The following KIRREL3 variants were observed in gnomAD, a reference collection of about 807,000 sequenced individuals.
KIRREL3 encodes kin of IRRE-like protein 3.
A neutral mutation model predicts 89.7 loss-of-function variants in KIRREL3; 36 were observed. The observed-to-expected ratio is 0.40, with a 90% CI of 0.31 to 0.53. The LOEUF (loss-of-function observed/expected upper bound fraction) is 0.53. Ranked by LOEUF, KIRREL3 falls within the 20% of genes least tolerant of loss-of-function variation. The pLI is 0.49. For missense variants in KIRREL3, 864 were observed against 1,056.6 expected, an observed-to-expected ratio of 0.82 and a Z score of 2.53; for synonymous variants, 445 against 441.4, an observed-to-expected ratio of 1.01 and a Z score of -0.10.
rs117830381 is a variant in KIRREL3, at chr11:126,792,439, C to A, written c.55+208016G>T. On this transcript the variant is annotated intron_variant, in intron 1 of 16. Transcript: ENST00000525144. Reference sequence around the variant, plus strand: ...TCACACAACTTGCAAGCAATAGAGCCTAGGCTGAAACCAAGCAGTTTAGTG... The same window carrying A: ...TCACACAACTTGCAAGCAATAGAGCATAGGCTGAAACCAAGCAGTTTAGTG... 9.7e-4 allele frequency among the ~76,000 whole-genome samples: 148 copies of A among 152,308 alleles called. 1 individual carries two copies. In the East Asian group the frequency reaches 0.025, roughly 26 times the overall value.
At chr11:126,511,867 C>T (rs745712022) in intron 4 of KIRREL3, among the ~76,000 whole-genome samples, 9 of 152,200 alleles carry the variant, frequency 5.9e-5, no homozygotes, top group African/African-American at 1.7e-4. Context: ...GGGCTGAGGT[C>T]GGAACGGAGA....
intron 1 of KIRREL3, among the ~76,000 whole-genome samples, chr11:126,828,204 T>G (rs1305414043): frequency 6.6e-6 from 1 of 152,236 alleles, no homozygotes; most frequent in South Asian, 2.1e-4. Context: ...GTTTACTGAG[T>G]GCTTTAACAA....
intron 1 of KIRREL3, among the ~76,000 whole-genome samples, chr11:126,650,165 C>G (rs901675809): frequency 6.6e-6 from 1 of 152,222 alleles, no homozygotes; most frequent in Non-Finnish European, 1.5e-5. Context: ...CTGGGCCCGT[C>G]CCATGAAACC....
chr11:126,515,283 AAAAC>A lies in KIRREL3; in HGVS notation c.433+6028_433+6031del, dbSNP rs144073229. Among the ~76,000 whole-genome samples, 6,621 of 152,138 alleles carry A rather than the reference AAAAC, an allele frequency of 0.044. 317 individuals are homozygous for A. Among genetic ancestry groups the A allele is most frequent in the African/African-American group, 0.12 (5,085 of 41,462 alleles). ...CAAAAACAAAACAGAACAAAACAAA[AAAAC>A]AAACAAACAAAAATTAGCTGGGTGA... is the stretch of plus-strand genomic sequence containing the variant. On this transcript the variant is annotated intron_variant, in intron 4 of 16. Transcript: ENST00000525144. This position sits in a 1 kb window ranked among gnomAD's most constrained non-coding sequence, Gnocchi z 4.2.
chr11:126,936,612 C>T (rs532573443), intron 1 of KIRREL3: 50 of 149,084 alleles, frequency 3.4e-4, no homozygotes, highest in African/African-American at 1.1e-3. Context: ...TGCTACTACA[C>T]GGATGCACCT....
In KIRREL3 at chr11:126,665,063, G is replaced by C. The variant is rs946249706; in HGVS notation, c.56-102151C>G. Among the ~76,000 whole-genome samples, 3 of 152,188 alleles carry C rather than the reference G, an allele frequency of 2.0e-5. No homozygotes were observed. The South Asian group carries it at 6.2e-4, about 32-fold the overall frequency. The stretch of plus-strand genomic sequence containing the variant: ...TTGTATCCTCTATGCTAAGTGCACA[G>C]CAGATTACATGGTAGTTCCTTATAA... On this transcript the variant is annotated intron_variant, in intron 1 of 16. Transcript: ENST00000525144.
rs555145837 is a variant in KIRREL3, at chr11:126,776,626, T to C, written c.56-213714A>G. On this transcript the variant is annotated intron_variant, in intron 1 of 16. Transcript: ENST00000525144. The surrounding 1 kb of genome is among the most constrained non-coding windows in gnomAD (Gnocchi z 4.7). Reference sequence around the variant, plus strand: ...GACTCAAAAGCTTGCAGAAACACTTTAGTTGAACAAGTCTCTGGGACAAAC... The same window carrying C: ...GACTCAAAAGCTTGCAGAAACACTTCAGTTGAACAAGTCTCTGGGACAAAC... 1.3e-5 allele frequency among the ~76,000 whole-genome samples: 2 copies of C among 152,312 alleles called. No homozygotes were observed. The highest frequency in any genetic ancestry group is 1.9e-4 in the East Asian group (1 of 5,184).
At chr11:126,980,615 G>A (rs1011422321) in intron 1 of KIRREL3, among the ~76,000 whole-genome samples, 2 of 152,106 alleles carry the variant, frequency 1.3e-5, no homozygotes, top group African/African-American at 4.8e-5. Context: ...AAATGGAAAG[G>A]CAGTATAGAT....
In KIRREL3 at chr11:126,568,815, C is replaced by T. The variant is rs985039448; in HGVS notation, c.56-5903G>A. On this transcript the variant is annotated intron_variant, in intron 1 of 16. Coordinates refer to ENST00000525144, the MANE Select transcript of KIRREL3 (RefSeq NM_032531.4). This position sits in a 1 kb window ranked among gnomAD's most constrained non-coding sequence, Gnocchi z 4.6. ...GAGTTCAATAAATAGAAACAAAATACCAAATTCTACCCCCCTCGTTTTTTT... is the reference window on the plus strand; with the variant it reads ...GAGTTCAATAAATAGAAACAAAATATCAAATTCTACCCCCCTCGTTTTTTT... Among the ~76,000 whole-genome samples the T allele has an allele frequency of 6.6e-6, 1 of 152,122 alleles. No homozygotes were observed. The highest frequency in any genetic ancestry group is 1.5e-5 in the Non-Finnish European group (1 of 68,032).
intron 1 of KIRREL3, among the ~76,000 whole-genome samples, chr11:126,932,648 C>T (rs965793465): frequency 6.6e-6 from 1 of 152,208 alleles, no homozygotes; most frequent in African/African-American, 2.4e-5. Flanking sequence ...AGGAAATGTG[C>T]TTCTGCTGTG....
chr11:126,873,747 C>T (rs1161938011), intron 1 of KIRREL3, among the ~76,000 whole-genome samples: 2 of 152,206 alleles, frequency 1.3e-5, no homozygotes, highest in African/African-American at 4.8e-5. Context: ...TGTCCAGCCT[C>T]ATCCATACAC....
At chr11:126,799,993 T>C (rs1266893384) in intron 1 of KIRREL3, among the ~76,000 whole-genome samples, 1 of 152,186 alleles carries the variant, frequency 6.6e-6, no homozygotes, top group Non-Finnish European at 1.5e-5. Flanking sequence ...CCTAGTTCAA[T>C]CAATCAGGAT....
chr11:126,781,763 T>A (rs1252885715), intron 1 of KIRREL3, among the ~76,000 whole-genome samples: 1 of 152,328 alleles, frequency 6.6e-6, no homozygotes, highest in Admixed American at 6.5e-5. Flanking sequence ...TCACCCACTT[T>A]GATTTACCAT....
At chr11:126,845,805 A>AT (rs1944119564) in intron 1 of KIRREL3, among the ~76,000 whole-genome samples, 1 of 152,202 alleles carries the variant, frequency 6.6e-6, no homozygotes, top group Admixed American at 6.5e-5. Flanking sequence ...CTAAAGTTGG[A>AT]TAAAAAAAGA....
Position 126,923,218 on chromosome 11 carries a change from T to TCTC in KIRREL3, c.55+77236_55+77237insGAG, listed in dbSNP as rs1565423652. Among the ~76,000 whole-genome samples the TCTC allele has an allele frequency of 2.2e-3, 47 of 21,048 alleles. 7 individuals are homozygous for TCTC. Among genetic ancestry groups the TCTC allele is most frequent in the Non-Finnish European group, 1.7e-3 (18 of 10,382 alleles). 13.8% of individuals were successfully genotyped at this position (21,048 alleles called of 152,430 possible). A position where few individuals can be genotyped will look rare whatever the true frequency, so the allele number is the denominator to read the frequency against. On this transcript the variant is annotated intron_variant, in intron 1 of 16. Transcript: ENST00000525144. ...TTCTTCTTCTTCTTCTTCTTCTTCT[T>TCTC]CTTCTTCTTCTTCTTCTTCTTCTTC... is the stretch of plus-strand genomic sequence containing the variant.
At position 126,428,274 on chromosome 11, in the gene KIRREL3, C is replaced by T. The variant is rs570265596; in HGVS notation, c.1806+905G>A. Reference sequence around the variant, plus strand: ...TATATTCCTTGCTCTGCTGCCTCCACTCCAACATGTTACGACCGAGGCAAC... The same window carrying T: ...TATATTCCTTGCTCTGCTGCCTCCATTCCAACATGTTACGACCGAGGCAAC... On this transcript the variant is annotated intron_variant, in intron 15 of 16. Transcript: ENST00000525144. This position sits in a 1 kb window ranked among gnomAD's most constrained non-coding sequence, Gnocchi z 6.4. Among the ~76,000 whole-genome samples the T allele has an allele frequency of 6.6e-6, 1 of 152,334 alleles. No homozygotes were observed. The highest frequency in any genetic ancestry group is 2.1e-4 in the South Asian group (1 of 4,830).
At position 126,525,349 on chromosome 11, in the gene KIRREL3, C is replaced by A. The variant is rs181127861; in HGVS notation, c.283+1189G>T. ...GGAGTTTCTCTAGGGTAAAGGCGTT[C>A]GGAGTCTCTGAAATTGGCTGGTTCC... On this transcript the variant is annotated intron_variant, in intron 3 of 16. Coordinates refer to ENST00000525144, the MANE Select transcript of KIRREL3 (RefSeq NM_032531.4). This position sits in a 1 kb window ranked among gnomAD's most constrained non-coding sequence, Gnocchi z 5.4. 6.6e-6 allele frequency among the ~76,000 whole-genome samples: 1 copy of A among 152,132 alleles called. No homozygotes were observed. The highest frequency in any genetic ancestry group is 1.5e-5 in the Non-Finnish European group (1 of 68,026).
At chr11:126,767,988 A>T (rs985851917) in intron 1 of KIRREL3, among the ~76,000 whole-genome samples, 1 of 152,236 alleles carries the variant, frequency 6.6e-6, no homozygotes, top group African/African-American at 2.4e-5. Flanking sequence ...GTGAAGTCCA[A>T]ATAATCTTCA....
intron 4 of KIRREL3, among the ~76,000 whole-genome samples, chr11:126,483,601 C>A (rs779698847): frequency 2.0e-5 from 3 of 152,230 alleles, no homozygotes; most frequent in Non-Finnish European, 4.4e-5. Flanking sequence ...GTCTGCTGCT[C>A]ACAATGTTCA....
Sources: gnomAD v4.1 joint callset for allele counts (sites outside exome capture counted in the v4.1 genomes callset) on GRCh38, gnomAD v4.1.1 for gene constraint, Gnocchi (gnomAD v3.1) non-coding constraint, MANE v1.5 for transcripts, NCBI Gene and HGNC (gene_info 2026-07-23, HGNC 2026-07-21) for gene names.